The following ZNF479 variants were observed in gnomAD, a reference collection of about 807,000 sequenced individuals.
ZNF479 encodes the protein KRAB zinc finger protein KR19.
Under a neutral mutation model 14.7 loss-of-function variants are expected in ZNF479, and 15 were observed. The ratio of observed to expected loss-of-function variants is 1.02; its 90% CI spans 0.68 to 1.57. ZNF479 has a LOEUF of 1.57. Among genes scored for constraint, ZNF479 ranks in the 40% most tolerant of loss-of-function variants. The pLI is 0.00. For missense variants in ZNF479, 506 were observed against 615.1 expected (o/e 0.82, Z 1.88); for synonymous variants, 145 against 211.5 (o/e 0.69, Z 2.73).
chr7:57,120,005 A>G lies in ZNF479; in HGVS notation c.1410T>C (p.Cys470=), dbSNP rs1785834702. 6.2e-7 allele frequency: 1 copy of G among 1,613,520 alleles called. No individual in the cohort carries two copies. Among genetic ancestry groups the G allele is most frequent in the Admixed American group, 1.7e-5 (1 of 59,942 alleles). The part of the protein sequence containing the change: ...TGERPYTCEE[C]GKAFNCSSTL... ...TTGAGGAGCAATTAAAGGCTTTGCCACATTCTTCACATGTGTAGGGTCTCT... is the reference window on the plus strand; with the variant it reads ...TTGAGGAGCAATTAAAGGCTTTGCCGCATTCTTCACATGTGTAGGGTCTCT... The change falls in exon 4 of 4, where the codon TGT becomes TGC. Residue 470 remains cysteine, a synonymous_variant. Coordinates refer to ENST00000319636, the MANE Select transcript of ZNF479 (RefSeq NM_001370129.2).
At chr7:57,132,909 C>G (rs959705390), upstream of ZNF479, among the ~76,000 whole-genome samples, 2 of 151,830 alleles carry the variant, frequency 1.3e-5, no homozygotes, top group Non-Finnish European at 2.9e-5. Context: ...AGGCCGAGGC[C>G]GGCAGGTCAC....
At chr7:57,136,120 A>G (rs1786646464), upstream of ZNF479, among the ~76,000 whole-genome samples, 1 of 152,038 alleles carries the variant, frequency 6.6e-6, no homozygotes, top group Admixed American at 6.6e-5. Context: ...ATGGTGACTC[A>G]CGCCTGTAAT....
chr7:57,120,966 G>A lies in ZNF479; in HGVS notation c.449C>T (p.Ser150Leu), dbSNP rs782664533. 6.2e-7 allele frequency: 1 copy of A among 1,614,064 alleles called. No individual in the cohort carries two copies. The highest frequency in any genetic ancestry group is 8.5e-7 in the Non-Finnish European group (1 of 1,180,016). Residue 150 changes from serine to leucine, a missense_variant, in exon 4 of 4, where the codon TCA becomes TTA. Physicochemically the swap from Ser to Leu is moderately radical, Grantham distance 145 (BLOSUM62 -2). Transcript: ENST00000319636. The part of the protein sequence containing the change: ...GGYSEVNQCL[S>L]TTQNKIFQTH... ...CTGAAATATTTTGTTTTGGGTAGTT[G>A]ACAAACATTGGTTAACTTCACTATA...
In ZNF479 at chr7:57,119,750, A is replaced by C; in HGVS notation, c.*90T>G. On this transcript the variant is annotated 3_prime_UTR_variant, in exon 4 of 4. Transcript: ENST00000319636. The stretch of plus-strand genomic sequence containing the variant: ...TCAATTAAGGTTTGGAACTGGTTAA[A>C]GGCTTGGCCACATTCTCTACATTTG... 1 of 1,160,384 alleles carries C rather than the reference A, an allele frequency of 8.6e-7. No individual in the cohort carries two copies. The highest frequency in any genetic ancestry group is 1.6e-5 in the African/African-American group (1 of 64,282). 71.9% of individuals were successfully genotyped at this position (1,160,384 alleles called of 1,614,324 possible).
chr7:57,122,413 A>C (rs576409328), intron 3 of ZNF479, among the ~76,000 whole-genome samples: 1 of 151,478 alleles, frequency 6.6e-6, no homozygotes, highest in African/African-American at 2.4e-5. Context: ...TTAAAATAAC[A>C]TGATGAAAAA....
At chr7:57,128,977 T>C (rs142579788) in intron 1 of ZNF479, among the ~76,000 whole-genome samples, 1,722 of 152,280 alleles carry the variant, frequency 0.011, 38 homozygotes, top group African/African-American at 0.04. Flanking sequence ...ATTCACCTGC[T>C]ACCACCACAC....
rs57842937 is a variant in ZNF479, at chr7:57,119,515, G to A, written c.*325C>T. The A allele has an allele frequency of 0.013, 3,183 of 252,408 alleles. 105 individuals carry two copies. The highest frequency in any genetic ancestry group is 0.068 in the African/African-American group (2,954 of 43,374). The allele number at this position is 252,408 out of a possible 1,614,324, so 15.6% of individuals were successfully genotyped here. A position where few individuals can be genotyped will look rare whatever the true frequency, so the allele number is the denominator to read the frequency against. Reference sequence around the variant, plus strand: ...CCAGCTACTCAGGAGGCTGAGGCAGGAGAATCGCTTGAACCCGGAAGGCAG... The same window carrying A: ...CCAGCTACTCAGGAGGCTGAGGCAGAAGAATCGCTTGAACCCGGAAGGCAG... On this transcript the variant is annotated 3_prime_UTR_variant, in exon 4 of 4. Transcript: ENST00000319636.
In ZNF479 at chr7:57,120,332, G is replaced by T. The variant is rs1785860840; in HGVS notation, c.1083C>A (p.Ala361=). 1 of 1,610,294 alleles carries T rather than the reference G, an allele frequency of 6.2e-7. No individual in the cohort carries two copies. The highest frequency in any genetic ancestry group is 2.2e-5 in the East Asian group (1 of 44,692). ...KPYACEECGQ[A]FSLSSNLMRH... is the part of the protein sequence containing the mutation. Reference sequence around the variant, plus strand: ...TCATAAGGTTCGAGGATAAGCTAAAGGCTTGGCCACATTCTTCACAGGCAT... The same window carrying T: ...TCATAAGGTTCGAGGATAAGCTAAATGCTTGGCCACATTCTTCACAGGCAT... The change falls in exon 4 of 4, where the codon GCC becomes GCA. Residue 361 remains alanine, a synonymous_variant. Transcript: ENST00000319636.
chr7:57,126,505 T>G, intron 2 of ZNF479, 87 bp downstream of exon 2: 1 of 1,241,512 alleles, frequency 8.1e-7, no homozygotes, highest in Non-Finnish European at 1.1e-6. Context: ...GATCTAAAAT[T>G]CATTCATGCA....
intron 1 of ZNF479, among the ~76,000 whole-genome samples, chr7:57,131,304 T>G (rs1786406713): frequency 6.6e-6 from 1 of 152,026 alleles, no homozygotes; most frequent in Non-Finnish European, 1.5e-5. Context: ...GGCTCACACC[T>G]GTAACCCCAG....
chr7:57,125,802 A>C (rs1786138320), intron 3 of ZNF479, among the ~76,000 whole-genome samples: 1 of 152,198 alleles, frequency 6.6e-6, no homozygotes, highest in Admixed American at 6.6e-5. Flanking sequence ...GTGAACTTGA[A>C]GAAAGATTAT....
At chr7:57,131,457 G>C (rs1260478458) in intron 1 of ZNF479, among the ~76,000 whole-genome samples, 1 of 151,710 alleles carries the variant, frequency 6.6e-6, no homozygotes, top group Admixed American at 6.6e-5. Flanking sequence ...CAGCCACTCG[G>C]GAGGCTAAGG....
In ZNF479 at chr7:57,118,855, CTA is replaced by C. The variant is rs35387816; in HGVS notation, c.*983_*984del. Reference sequence around the variant, plus strand: ...TTGTAGGAGTCTTCTTCAGTATAAACTATCTTACCTACCATAACGTGTGACTA... The same window carrying C: ...TTGTAGGAGTCTTCTTCAGTATAAACTCTTACCTACCATAACGTGTGACTA... On this transcript the variant is annotated 3_prime_UTR_variant, in exon 4 of 4. Coordinates refer to ENST00000319636, the MANE Select transcript of ZNF479 (RefSeq NM_001370129.2). Among the ~76,000 whole-genome samples, 41,104 of 151,000 alleles carry C rather than the reference CTA, an allele frequency of 0.27. 6,172 individuals carry two copies. Among genetic ancestry groups the C allele is most frequent in the East Asian group, 0.5 (2,460 of 4,966 alleles).
At chr7:57,139,666 T>A (rs192793071) in exon 1 of ZNF479, 2 of 152,202 alleles carry the variant, frequency 1.3e-5, no homozygotes, top group Admixed American at 1.3e-4. Context: ...CAGGGGAAAT[T>A]GTAATGTATC....
rs1180853457 is a variant in ZNF479 at position 57,118,246 on chromosome 7, A to C, written c.*1594T>G. Among the ~76,000 whole-genome samples, 1 of 152,294 alleles carries C rather than the reference A, an allele frequency of 6.6e-6. No individual in the cohort carries two copies. ...ATTTTTCCTTTAATATAAAATGTGTACAATAAAATCTGTAATGGAAGTAAA... is the reference window on the plus strand; with the variant it reads ...ATTTTTCCTTTAATATAAAATGTGTCCAATAAAATCTGTAATGGAAGTAAA... On this transcript the variant is annotated 3_prime_UTR_variant, in exon 4 of 4. Coordinates refer to ENST00000319636, the MANE Select transcript of ZNF479 (RefSeq NM_001370129.2).
At position 57,120,068 on chromosome 7, in the gene ZNF479, G is replaced by A. The variant is rs571765333; in HGVS notation, c.1347C>T (p.Ser449=). 75 of 1,613,812 alleles carry A rather than the reference G, an allele frequency of 4.6e-5. 1 individual carries two copies. The East Asian group carries it at 1.6e-3, about 35-fold the overall frequency. ...TTCTCTTGTGGTCAGTGAGGGTTGAGGATAAGCTAAAGGCTTTGCCACATT... is the reference window on the plus strand; with the variant it reads ...TTCTCTTGTGGTCAGTGAGGGTTGAAGATAAGCTAAAGGCTTTGCCACATT... ...CEECGKAFSL[S]STLTDHKRIH... Residue 449 remains serine, a synonymous_variant, in exon 4 of 4, where the codon TCC becomes TCT. Coordinates refer to ENST00000319636, the MANE Select transcript of ZNF479 (RefSeq NM_001370129.2).
At chr7:57,128,238 C>T (rs1786265617) in intron 1 of ZNF479, among the ~76,000 whole-genome samples, 1 of 152,046 alleles carries the variant, frequency 6.6e-6, no homozygotes, top group Admixed American at 6.6e-5. Context: ...TGTGTCTGGC[C>T]TAAATTTAAT....
chr7:57,138,544 TGGA>T (rs1786746464), intron 1 of ZNF479, among the ~76,000 whole-genome samples: 1 of 152,194 alleles, frequency 6.6e-6, no homozygotes, highest in African/African-American at 2.4e-5. Flanking sequence ...GAGTCATAGC[TGGA>T]CTCAGCCTAC....
rs1176636864 is a variant in ZNF479, at chr7:57,119,065, C to T, written c.*775G>A. On this transcript the variant is annotated 3_prime_UTR_variant, in exon 4 of 4. Transcript: ENST00000319636. Reference sequence around the variant, plus strand: ...GGAGAACCAGTTAAAGGGTTTGCCACATTTTTTTCTGCAATTGCAGGGTTT... The same window carrying T: ...GGAGAACCAGTTAAAGGGTTTGCCATATTTTTTTCTGCAATTGCAGGGTTT... Among the ~76,000 whole-genome samples the T allele has an allele frequency of 1.3e-5, 2 of 152,268 alleles. No individual in the cohort carries two copies. The highest frequency in any genetic ancestry group is 2.9e-5 in the Non-Finnish European group (2 of 68,024).
Sources: allele counts gnomAD v4.1 joint callset (sites outside exome capture counted in the v4.1 genomes callset), GRCh38; gene constraint gnomAD v4.1.1; transcripts MANE v1.5; gene names NCBI Gene and HGNC (gene_info 2026-07-23, HGNC 2026-07-21).